The following TMEM62 variants were observed in gnomAD, a reference collection of about 807,000 sequenced individuals.
The protein encoded by TMEM62 is transmembrane protein 62.
TMEM62 carries 41 observed loss-of-function variants against 70.4 expected under a neutral mutation model. The ratio of observed to expected loss-of-function variants is 0.58; its 90% confidence interval spans 0.45 to 0.76. TMEM62 has a LOEUF of 0.76. TMEM62 is among the 30% of genes least tolerant of loss of function. TMEM62 has a pLI of 0.00. For missense variants in TMEM62, 688 were observed against 788.5 expected (o/e 0.87, Z 1.53); for synonymous variants, 268 against 291.0 (o/e 0.92, Z 0.80).
rs148682519 is a variant in TMEM62 at position 43,134,346 on chromosome 15, A to G, written c.270A>G (p.Gln90=). The G allele has an allele frequency of 7.5e-4, 1,215 of 1,613,954 alleles. 2 individuals are homozygous for G. In the African/African-American group the frequency reaches 0.012, roughly 17 times the overall value. The change falls in exon 2 of 14, where the codon CAA becomes CAG. Residue 90 remains glutamine, a synonymous_variant. Coordinates refer to ENST00000260403, the MANE Select transcript of TMEM62 (RefSeq NM_024956.4). The part of the protein sequence containing the change: ...KFCSETIDII[Q]PALVLATGDL... ...GTTCTGAAACTATTGACATCATTCA[A>G]CCAGCTCTCGTCCTAGCAACAGGTA...
chr15:43,168,729 C>T (rs1056686823), intron 10 of TMEM62, among the ~76,000 whole-genome samples: 2 of 152,212 alleles, frequency 1.3e-5, no homozygotes, highest in African/African-American at 4.8e-5. Flanking sequence ...TGGTGTCTCA[C>T]TGGGTCTTGT....
rs114912371 is a variant in TMEM62, at chr15:43,158,795, T to C, written c.1183-1886T>C. On this transcript the variant is annotated intron_variant, in intron 9 of 13. Coordinates refer to ENST00000260403, the MANE Select transcript of TMEM62 (RefSeq NM_024956.4). ...CCCTTTACTAAAGCAGTTTTCAGAATAATGAGTTGGTTCTTTAGTATCTGC... is the reference window on the plus strand; with the variant it reads ...CCCTTTACTAAAGCAGTTTTCAGAACAATGAGTTGGTTCTTTAGTATCTGC... 5.2e-3 allele frequency among the ~76,000 whole-genome samples: 787 copies of C among 152,340 alleles called. 8 individuals are homozygous for C. Among genetic ancestry groups the C allele is most frequent in the African/African-American group, 0.018 (754 of 41,580 alleles).
intron 13 of TMEM62, among the ~76,000 whole-genome samples, chr15:43,182,222 GGAGT>G (rs1056199494): frequency 7.9e-5 from 12 of 152,132 alleles, no homozygotes; most frequent in African/African-American, 2.9e-4. Context: ...CTCACCTAAT[GGAGT>G]TAGTGGACCA....
intron 11 of TMEM62, among the ~76,000 whole-genome samples, chr15:43,173,035 G>A (rs148319069): frequency 0.013 from 1,908 of 152,122 alleles, 21 homozygotes; most frequent in Non-Finnish European, 0.019. Flanking sequence ...CTAGAGCACC[G>A]TGGCCAACAT....
intron 11 of TMEM62, among the ~76,000 whole-genome samples, chr15:43,173,419 G>T (rs1410481019): frequency 2.0e-5 from 3 of 152,108 alleles, no homozygotes; most frequent in Non-Finnish European, 4.4e-5. Flanking sequence ...AGCCTTAAGT[G>T]GCTTTCCAGA....
In TMEM62 at chr15:43,133,711, T is replaced by C. The variant is rs924628917; in HGVS notation, c.-92T>C. 6.7e-6 allele frequency: 6 copies of C among 902,232 alleles called. No homozygotes were observed. The highest frequency in any genetic ancestry group is 3.5e-5 in the East Asian group (1 of 28,780). The allele number at this position is 902,232 out of a possible 1,614,324, so 55.9% of individuals were successfully genotyped here. ...GCATCCAGCTCTGGCCCTGCGACAA[T>C]AGAGTCCGGAAGTGCAGGCAAAGCG... On this transcript the variant is annotated 5_prime_UTR_variant, in exon 1 of 14. Coordinates refer to ENST00000260403, the MANE Select transcript of TMEM62 (RefSeq NM_024956.4).
At chr15:43,155,816 C>T (rs2037983562) in intron 9 of TMEM62, among the ~76,000 whole-genome samples, 1 of 152,144 alleles carries the variant, frequency 6.6e-6, no homozygotes, top group South Asian at 2.1e-4. Flanking sequence ...TTGAAAGCTT[C>T]AGGACACAGA....
chr15:43,167,888 G>A (rs1424346451), intron 10 of TMEM62, among the ~76,000 whole-genome samples: 3 of 152,272 alleles, frequency 2.0e-5, no homozygotes, highest in East Asian at 3.9e-4. Flanking sequence ...TCGGGAGGCC[G>A]AGGCTGGCGG....
intron 8 of TMEM62, among the ~76,000 whole-genome samples, chr15:43,152,873 T>C (rs535354783): frequency 1.5e-3 from 226 of 152,350 alleles, no homozygotes; most frequent in Non-Finnish European, 2.6e-3. Flanking sequence ...ATTTTAAGTA[T>C]GTTTTTCTCC....
intron 5 of TMEM62, 140 bp downstream of exon 5, chr15:43,146,774 A>G (rs553098017): frequency 2.6e-6 from 2 of 777,108 alleles, no homozygotes; most frequent in African/African-American, 3.5e-5. Flanking sequence ...AGGTATGGCT[A>G]GAAGTTACTG....
chr15:43,152,724 C>T (rs190429166), intron 8 of TMEM62, among the ~76,000 whole-genome samples: 18 of 152,180 alleles, frequency 1.2e-4, no homozygotes, highest in Admixed American at 4.6e-4. Flanking sequence ...TTAATAGAAT[C>T]CAAATGGGAC....
At chr15:43,150,263 G>C (rs1243094743) in intron 7 of TMEM62, among the ~76,000 whole-genome samples, 1 of 152,190 alleles carries the variant, frequency 6.6e-6, no homozygotes, top group East Asian at 1.9e-4. Context: ...TGAGCTAAGA[G>C]TTGTCTGTTC....
At chr15:43,141,894 A>T (rs1208043711) in intron 4 of TMEM62, among the ~76,000 whole-genome samples, 1 of 152,232 alleles carries the variant, frequency 6.6e-6, no homozygotes, top group Non-Finnish European at 1.5e-5. Flanking sequence ...AACTAGAATT[A>T]GAAGTGGAGC....
rs767692998 is a variant in TMEM62, at chr15:43,146,452, C to CT, written c.477-36dup. The stretch of plus-strand genomic sequence containing the variant: ...TAGGGAAGGAATTTTAAAGCATTGT[C>CT]TTTTTATTACACTAACACCCTCCTG... On this transcript the variant is annotated intron_variant, in intron 4 of 13. Coordinates refer to ENST00000260403, the MANE Select transcript of TMEM62 (RefSeq NM_024956.4). 6 of 1,555,792 alleles carry CT rather than the reference C, an allele frequency of 3.9e-6. No individual in the cohort carries two copies. The African/African-American group carries it at 6.9e-5, about 18-fold the overall frequency.
chr15:43,153,674 GTGTGTGTGTGTGTA>G (rs1285982303), intron 8 of TMEM62, among the ~76,000 whole-genome samples: 1 of 151,808 alleles, frequency 6.6e-6, no homozygotes, highest in African/African-American at 2.4e-5. Flanking sequence ...GTGTGTGTGT[GTGTGTGTGTGTGTA>G]TATACACACA....
At chr15:43,157,089 A>G (rs1451409602) in intron 9 of TMEM62, among the ~76,000 whole-genome samples, 2 of 152,172 alleles carry the variant, frequency 1.3e-5, no homozygotes, top group Non-Finnish European at 2.9e-5. Context: ...GTGGGAGAAG[A>G]CACTTATTAT....
chr15:43,152,382 G>A (rs1224183668), intron 8 of TMEM62, among the ~76,000 whole-genome samples: 1 of 151,886 alleles, frequency 6.6e-6, no homozygotes, highest in Non-Finnish European at 1.5e-5. Flanking sequence ...GTTGGCAAAT[G>A]AATTTGTTTT....
At chr15:43,138,529 T>A (rs1426481185) in intron 3 of TMEM62, 45 bp from the exon 4 acceptor site, 15 of 1,439,594 alleles carry the variant, frequency 1.0e-5, no homozygotes, top group Non-Finnish European at 1.4e-5. Flanking sequence ...TGTATTCTTT[T>A]TTTAATGTGG....
chr15:43,182,230 T>C lies in TMEM62; in HGVS notation c.1605+931T>C, dbSNP rs1417635009. Among the ~76,000 whole-genome samples, 4 of 152,322 alleles carry C rather than the reference T, an allele frequency of 2.6e-5. No homozygotes were observed. In the South Asian group the frequency reaches 8.3e-4, roughly 32 times the overall value. On this transcript the variant is annotated intron_variant, in intron 13 of 13. Coordinates refer to ENST00000260403, the MANE Select transcript of TMEM62 (RefSeq NM_024956.4). ...TATTTTACTCACCTAATGGAGTTAGTGGACCAAAATTTGAAGTTTTGGAAG... is the reference window on the plus strand; with the variant it reads ...TATTTTACTCACCTAATGGAGTTAGCGGACCAAAATTTGAAGTTTTGGAAG...
Sources: allele counts gnomAD v4.1 joint callset (sites outside exome capture counted in the v4.1 genomes callset), GRCh38; gene constraint gnomAD v4.1.1; transcripts MANE v1.5; gene names NCBI Gene and HGNC (gene_info 2026-07-23, HGNC 2026-07-21).